LHFPL3: variants seen among roughly 807,000 people sequenced by gnomAD.
LHFPL3 encodes the protein LHFPL tetraspan subfamily member 3.
LHFPL3 carries 5 observed loss-of-function variants against 19.3 expected under a neutral mutation model. The ratio of observed to expected loss-of-function variants is 0.26; its 90% CI spans 0.14 to 0.54. The LOEUF (loss-of-function observed/expected upper bound fraction) is 0.54, where lower values mean the gene tolerates loss of function less well. Ranked by LOEUF, LHFPL3 falls within the 20% of genes least tolerant of loss-of-function variation. The probability of loss-of-function intolerance (pLI) is 0.94; values close to 1 mark genes in which losing one functional copy is unlikely to be tolerated. For synonymous variants in LHFPL3, 133 were observed against 126.2 expected, an observed-to-expected ratio of 1.05 and a Z score of -0.36; for missense variants, 249 against 307.4, an observed-to-expected ratio of 0.81 and a Z score of 1.42.
Position 104,871,665 on chromosome 7 carries a change from AT to A in LHFPL3, c.683-34512del, listed in dbSNP as rs529574052. ...ACATCGTACAGCTGCACCAAAAATA[AT>A]TTTTTTTTTGAGGTGGAGTTTCACT... is the stretch of plus-strand genomic sequence containing the variant. On this transcript the variant is annotated intron_variant, in intron 2 of 2. Coordinates refer to ENST00000424859, the MANE Select transcript of LHFPL3 (RefSeq NM_199000.3). Among the ~76,000 whole-genome samples the A allele has an allele frequency of 1.2e-3, 183 of 150,224 alleles. 2 individuals are homozygous for A. Among genetic ancestry groups the A allele is most frequent in the African/African-American group, 3.6e-3 (148 of 41,024 alleles).
At chr7:104,758,511 C>A (rs1307511004) in intron 2 of LHFPL3, among the ~76,000 whole-genome samples, 1 of 151,960 alleles carries the variant, frequency 6.6e-6, no homozygotes, top group Non-Finnish European at 1.5e-5. Context: ...TCAGTTCTAC[C>A]CACTGTGGCT....
chr7:104,363,369 G>A (rs1790426526), intron 1 of LHFPL3, among the ~76,000 whole-genome samples: 1 of 152,212 alleles, frequency 6.6e-6, no homozygotes, highest in Non-Finnish European at 1.5e-5. Context: ...ATTATAAATG[G>A]TTTCTGATTT....
chr7:104,437,080 T>C (rs1314010033), intron 1 of LHFPL3, among the ~76,000 whole-genome samples: 4 of 152,214 alleles, frequency 2.6e-5, no homozygotes, highest in African/African-American at 9.7e-5. Flanking sequence ...ATGTGCATAT[T>C]ACTGTCAACC....
chr7:104,587,482 G>T (rs1790604647), intron 1 of LHFPL3, among the ~76,000 whole-genome samples: 1 of 152,172 alleles, frequency 6.6e-6, no homozygotes, highest in Non-Finnish European at 1.5e-5. Context: ...GTATTCCATG[G>T]TGTATATGTG....
chr7:104,674,354 G>GTTTTTC (rs1206573836), intron 1 of LHFPL3, among the ~76,000 whole-genome samples: 43 of 147,692 alleles, frequency 2.9e-4, no homozygotes, highest in Admixed American at 1.2e-3. Flanking sequence ...GGGACTTCCT[G>GTTTTTC]TTTTTCTTTT....
chr7:104,533,345 A>G (rs1794338022), intron 1 of LHFPL3, among the ~76,000 whole-genome samples: 1 of 152,032 alleles, frequency 6.6e-6, no homozygotes, highest in Non-Finnish European at 1.5e-5. Context: ...ACATGGGAGT[A>G]CTTATCCATT....
intron 1 of LHFPL3, among the ~76,000 whole-genome samples, chr7:104,619,092 G>A (rs1791398926): frequency 6.6e-6 from 1 of 152,180 alleles, no homozygotes; most frequent in Admixed American, 6.6e-5. Context: ...CCTGTGCTTT[G>A]GAGAGTGAGA....
intron 1 of LHFPL3, among the ~76,000 whole-genome samples, chr7:104,723,711 G>A (rs534938527): frequency 3.3e-4 from 31 of 92,954 alleles, no homozygotes; most frequent in African/African-American, 1.3e-3. Flanking sequence ...GACAGAGCAA[G>A]ACTATGTCTC....
At chr7:104,889,182 T>C (rs1319289629) in intron 2 of LHFPL3, among the ~76,000 whole-genome samples, 5 of 152,214 alleles carry the variant, frequency 3.3e-5, no homozygotes, top group African/African-American at 4.8e-5. Flanking sequence ...ATTAAACAAA[T>C]GTTAACATAG....
intron 2 of LHFPL3, chr7:104,752,890 C>T (rs1468368498): frequency 5.8e-6 from 2 of 342,628 alleles, no homozygotes; most frequent in Non-Finnish European, 1.0e-5. Context: ...TCTCCACCAG[C>T]TCACAGCCTC....
chr7:104,395,867 A>T (rs1791173427), intron 1 of LHFPL3, among the ~76,000 whole-genome samples: 1 of 152,220 alleles, frequency 6.6e-6, no homozygotes, highest in Admixed American at 6.5e-5. Flanking sequence ...ACTCTCAAAA[A>T]ATAAAACTTT....
chr7:104,380,167 T>A (rs1444322116), intron 1 of LHFPL3, among the ~76,000 whole-genome samples: 1 of 152,302 alleles, frequency 6.6e-6, no homozygotes, highest in African/African-American at 2.4e-5. Flanking sequence ...GTTTCTCCAG[T>A]GCAAAATGGG....
At chr7:104,798,509 C>T (rs1371354274) in intron 2 of LHFPL3, 3 of 152,096 alleles carry the variant, frequency 2.0e-5, no homozygotes, top group Non-Finnish European at 4.4e-5. Context: ...AATTGAAATG[C>T]GTATAGAACT....
intron 1 of LHFPL3, among the ~76,000 whole-genome samples, chr7:104,609,432 A>G (rs1791171410): frequency 6.6e-6 from 1 of 152,210 alleles, no homozygotes; most frequent in Admixed American, 6.5e-5. Flanking sequence ...GAAATACACA[A>G]GTAGATATTT....
chr7:104,413,921 C>T (rs1791576028), intron 1 of LHFPL3, among the ~76,000 whole-genome samples: 1 of 151,882 alleles, frequency 6.6e-6, no homozygotes, highest in African/African-American at 2.4e-5. Context: ...TCCATTCGAC[C>T]CACTGGCCAG....
intron 1 of LHFPL3, among the ~76,000 whole-genome samples, chr7:104,520,556 G>A (rs1293067106): frequency 2.2e-5 from 3 of 136,984 alleles, no homozygotes; most frequent in Admixed American, 7.6e-5. Flanking sequence ...GGTAGAATTC[G>A]GCTGTGAATC....
intron 2 of LHFPL3, among the ~76,000 whole-genome samples, chr7:104,899,952 G>A (rs758757243): frequency 2.6e-5 from 4 of 152,128 alleles, no homozygotes; most frequent in African/African-American, 4.8e-5. Flanking sequence ...CGCTGGTTTC[G>A]AACTCCTGAC....
chr7:104,819,543 T>C (rs1790637625), intron 2 of LHFPL3, among the ~76,000 whole-genome samples: 1 of 152,080 alleles, frequency 6.6e-6, no homozygotes, highest in African/African-American at 2.4e-5. Context: ...TTCCCCTTCT[T>C]CTCTCATTTA....
chr7:104,392,880 A>G (rs931320712), intron 1 of LHFPL3, among the ~76,000 whole-genome samples: 3 of 152,150 alleles, frequency 2.0e-5, no homozygotes, highest in African/African-American at 7.2e-5. Flanking sequence ...TTATTGGTCT[A>G]TTTAGGGATT....
Sources: allele counts gnomAD v4.1 joint callset (sites outside exome capture counted in the v4.1 genomes callset), GRCh38; gene constraint gnomAD v4.1.1; transcripts MANE v1.5; gene names NCBI Gene and HGNC (gene_info 2026-07-23, HGNC 2026-07-21).